Variants in PRKAR2B observed in about 807,000 individuals in gnomAD.
PRKAR2B encodes protein kinase cAMP-dependent type II regulatory subunit beta, also known as cAMP-dependent protein kinase type II-beta regulatory subunit.
In PRKAR2B, 14 loss-of-function variants were observed where a neutral mutation model predicts 49.9. That is an observed-to-expected ratio of 0.28 (90% CI 0.19 to 0.44). The LOEUF (loss-of-function observed/expected upper bound fraction) is 0.44. Among genes scored for constraint, PRKAR2B ranks in the 20% least tolerant of loss-of-function variants. The pLI is 1.00. For missense variants in PRKAR2B, 393 were observed against 537.9 expected (o/e 0.73, Z 2.67); for synonymous variants, 196 against 197.7 (o/e 0.99, Z 0.07).
intron 2 of PRKAR2B, among the ~76,000 whole-genome samples, chr7:107,099,491 C>T (rs1448356375): frequency 6.6e-6 from 1 of 152,008 alleles, no homozygotes; most frequent in African/African-American, 2.4e-5. Context: ...CCGCCCTGCA[C>T]CGTGGGCCGC....
At chr7:107,091,804 T>C (rs1359218850) in intron 2 of PRKAR2B, 1 of 152,210 alleles carries the variant, frequency 6.6e-6, no homozygotes, top group African/African-American at 2.4e-5. Context: ...ACCTGGACGA[T>C]AGAAGATTTT....
chr7:107,065,708 C>G (rs1794124482), intron 1 of PRKAR2B, among the ~76,000 whole-genome samples: 1 of 152,184 alleles, frequency 6.6e-6, no homozygotes, highest in African/African-American at 2.4e-5. Flanking sequence ...GAGAGGGAGA[C>G]TTGCTCTGTT....
At chr7:107,072,536 A>G (rs1253437099) in intron 2 of PRKAR2B, among the ~76,000 whole-genome samples, 2 of 152,166 alleles carry the variant, frequency 1.3e-5, no homozygotes, top group African/African-American at 4.8e-5. Flanking sequence ...TTAATCATCT[A>G]CTTCTCTGTA....
intron 2 of PRKAR2B, among the ~76,000 whole-genome samples, chr7:107,093,519 T>C (rs913043574): frequency 1.5e-4 from 23 of 152,182 alleles, no homozygotes; most frequent in African/African-American, 5.5e-4. Flanking sequence ...TTTCTTTTTT[T>C]TTTTTATTAT....
At chr7:107,118,345 G>A (rs796554284) in intron 2 of PRKAR2B, among the ~76,000 whole-genome samples, 6 of 150,470 alleles carry the variant, frequency 4.0e-5, no homozygotes, top group African/African-American at 1.5e-4. Flanking sequence ...TTCATTCAAT[G>A]TGTGTTTGAG....
intron 3 of PRKAR2B, among the ~76,000 whole-genome samples, chr7:107,123,083 C>A (rs1795418313): frequency 6.6e-6 from 1 of 152,072 alleles, no homozygotes; most frequent in African/African-American, 2.4e-5. Context: ...AGAAACAATA[C>A]CGGGTGGCAA....
chr7:107,140,284 C>T (rs960740227), intron 4 of PRKAR2B, among the ~76,000 whole-genome samples: 1 of 152,182 alleles, frequency 6.6e-6, no homozygotes, highest in Non-Finnish European at 1.5e-5. Flanking sequence ...TGAAGCCAAC[C>T]TTAATGACAG....
intron 2 of PRKAR2B, 44 bp downstream of exon 2, chr7:107,070,360 T>C (rs1220916882): frequency 3.3e-6 from 5 of 1,497,014 alleles, no homozygotes; most frequent in Non-Finnish European, 4.6e-6. Context: ...AATGGTGACA[T>C]TTAAAAAATG....
intron 5 of PRKAR2B, among the ~76,000 whole-genome samples, chr7:107,144,053 CTTATTTATTTATTTATTTATTTAT>C (rs60565381): frequency 4.2e-5 from 6 of 143,516 alleles, no homozygotes; most frequent in South Asian, 2.2e-4. Context: ...CAATTCTTTT[CTTATTTATTTATTTATTTATTTAT>C]TTATTTATTT....
chr7:107,093,167 T>A (rs952992949), intron 2 of PRKAR2B, among the ~76,000 whole-genome samples: 8 of 152,248 alleles, frequency 5.3e-5, no homozygotes, highest in African/African-American at 1.9e-4. Flanking sequence ...TTGTGAATAA[T>A]GCTGATGTGA....
intron 1 of PRKAR2B, among the ~76,000 whole-genome samples, chr7:107,047,125 C>T (rs1256930890): frequency 6.6e-6 from 1 of 152,080 alleles, no homozygotes; most frequent in African/African-American, 2.4e-5. Context: ...TATTTACTCC[C>T]TAGCCTCACC....
At chr7:107,049,821 GT>G (rs1297305671) in intron 1 of PRKAR2B, among the ~76,000 whole-genome samples, 1 of 152,048 alleles carries the variant, frequency 6.6e-6, no homozygotes, top group African/African-American at 2.4e-5. Context: ...AGACTTTATA[GT>G]TTTTGGCTAT....
At chr7:107,055,155 T>C (rs1407681610) in intron 1 of PRKAR2B, among the ~76,000 whole-genome samples, 2 of 152,246 alleles carry the variant, frequency 1.3e-5, no homozygotes, top group Admixed American at 6.5e-5. Context: ...TCCTTTTTTA[T>C]GGCTGCATAG....
chr7:107,104,059 C>T (rs1368113678), intron 2 of PRKAR2B, among the ~76,000 whole-genome samples: 1 of 151,978 alleles, frequency 6.6e-6, no homozygotes, highest in Non-Finnish European at 1.5e-5. Flanking sequence ...GAGACGGAGT[C>T]TCGCACTTTT....
intron 1 of PRKAR2B, among the ~76,000 whole-genome samples, chr7:107,065,085 C>T (rs1323932170): frequency 6.6e-6 from 1 of 152,156 alleles, no homozygotes; most frequent in Non-Finnish European, 1.5e-5. Flanking sequence ...TTTCAATTTA[C>T]ACAGTTTCTA....
In PRKAR2B at chr7:107,045,050, C is replaced by T. The variant is rs758239154; in HGVS notation, c.143C>T (p.Thr48Ile). Residue 48 changes from threonine to isoleucine, a missense_variant, in exon 1 of 11, where the codon ACC (threonine) becomes ATC (isoleucine). Around this residue, in one of 2 missense-constraint regions of PRKAR2B, gnomAD observed 160 missense variants for 147.6 expected, o/e 1.08. Transcript: ENST00000265717. Reference sequence around the variant, plus strand: ...CAGCAGGAGAACGAGCGCAAAGGCACCGCGCGCTTCGGCCATGAGGGCAGG... The same window carrying T: ...CAGCAGGAGAACGAGCGCAAAGGCATCGCGCGCTTCGGCCATGAGGGCAGG... ...RLQQENERKG[T>I]ARFGHEGRTW... The T allele has an allele frequency of 5.8e-6, 9 of 1,545,920 alleles. No individual in the cohort carries two copies. In the South Asian group the frequency reaches 8.3e-5, roughly 14 times the overall value.
chr7:107,116,330 C>T (rs974658976), intron 2 of PRKAR2B, among the ~76,000 whole-genome samples: 15 of 152,126 alleles, frequency 9.9e-5, no homozygotes, highest in Admixed American at 6.5e-4. Context: ...TCTGAGCTAC[C>T]GGTTGCTCCT....
chr7:107,153,802 G>C (rs1252656949), intron 8 of PRKAR2B, among the ~76,000 whole-genome samples: 1 of 152,218 alleles, frequency 6.6e-6, no homozygotes, highest in African/African-American at 2.4e-5. Flanking sequence ...AATTTGTGAA[G>C]ACTGTTGAAG....
intron 2 of PRKAR2B, among the ~76,000 whole-genome samples, chr7:107,105,896 A>T (rs962507791): frequency 1.3e-5 from 2 of 151,848 alleles, no homozygotes. Context: ...CTTTTTGGCT[A>T]TTTCTTTTGT....
Sources: allele counts gnomAD v4.1 joint callset (sites outside exome capture counted in the v4.1 genomes callset), GRCh38; gene constraint gnomAD v4.1.1; regional missense constraint gnomAD v4.1.1; transcripts MANE v1.5; gene names NCBI Gene and HGNC (gene_info 2026-07-23, HGNC 2026-07-21).